The following LHFPL3 variants were observed in gnomAD, a reference collection of about 807,000 sequenced individuals.
The protein encoded by LHFPL3 is LHFPL tetraspan subfamily member 3 protein.
LHFPL3 carries 5 observed loss-of-function variants against 19.3 expected under a neutral mutation model. The observed-to-expected ratio is 0.26, with a 90% CI of 0.14 to 0.54. The LOEUF (loss-of-function observed/expected upper bound fraction) is 0.54, where lower values mean the gene tolerates loss of function less well. LHFPL3 is among the 20% of genes least tolerant of loss of function. The pLI is 0.94. For missense variants in LHFPL3, 249 were observed against 307.4 expected (o/e 0.81, Z 1.42); for synonymous variants, 133 against 126.2 (o/e 1.05, Z -0.36).
At chr7:104,453,222 A>C (rs1313727478) in intron 1 of LHFPL3, among the ~76,000 whole-genome samples, 1 of 151,470 alleles carries the variant, frequency 6.6e-6, no homozygotes, top group African/African-American at 2.5e-5. Flanking sequence ...AACTCTGCTG[A>C]AATAAAAGGT....
intron 1 of LHFPL3, among the ~76,000 whole-genome samples, chr7:104,337,314 C>T (rs969494303): frequency 2.6e-5 from 4 of 151,930 alleles, no homozygotes; most frequent in Admixed American, 2.0e-4. Context: ...GGTTGGAAAG[C>T]CTGTGGAATT....
intron 1 of LHFPL3, among the ~76,000 whole-genome samples, chr7:104,385,828 A>T (rs1407892708): frequency 6.6e-6 from 1 of 152,206 alleles, no homozygotes; most frequent in Non-Finnish European, 1.5e-5. Flanking sequence ...TTAATATGGA[A>T]GTATGTTTTT....
chr7:104,479,148 C>A (rs867751578), intron 1 of LHFPL3, among the ~76,000 whole-genome samples: 37 of 152,310 alleles, frequency 2.4e-4, no homozygotes, highest in Middle Eastern at 3.4e-3. Flanking sequence ...GCTCATAAGA[C>A]CCTTCTCTGA....
chr7:104,682,170 C>G (rs1025999867), intron 1 of LHFPL3, among the ~76,000 whole-genome samples: 1 of 152,132 alleles, frequency 6.6e-6, no homozygotes, highest in African/African-American at 2.4e-5. Context: ...TTTTACATAT[C>G]CCTTTTTCAA....
intron 2 of LHFPL3, among the ~76,000 whole-genome samples, chr7:104,772,722 G>T (rs1794575110): frequency 6.6e-6 from 1 of 152,202 alleles, no homozygotes; most frequent in South Asian, 2.1e-4. Context: ...CTGAGAGTGG[G>T]TTCACCTCCA....
chr7:104,563,036 C>G (rs896659477), intron 1 of LHFPL3, among the ~76,000 whole-genome samples: 2 of 151,764 alleles, frequency 1.3e-5, no homozygotes, highest in Non-Finnish European at 2.9e-5. Flanking sequence ...ACAGTCTGCC[C>G]ATTCTCAGAT....
At chr7:104,612,585 G>A (rs877843) in intron 1 of LHFPL3, among the ~76,000 whole-genome samples, 138,517 of 152,276 alleles carry the variant, frequency 0.91, 63,396 homozygotes, top group Non-Finnish European at 0.96. Flanking sequence ...CTGAATGTCC[G>A]TATGATTTCT....
At chr7:104,545,499 T>G (rs1042634351) in intron 1 of LHFPL3, among the ~76,000 whole-genome samples, 24 of 152,182 alleles carry the variant, frequency 1.6e-4, no homozygotes, top group African/African-American at 2.4e-5. Context: ...AGAAGGGCTC[T>G]GATACCACAG....
intron 2 of LHFPL3, among the ~76,000 whole-genome samples, chr7:104,780,810 C>A (rs1020743902): frequency 1.2e-4 from 19 of 152,186 alleles, no homozygotes; most frequent in Non-Finnish European, 1.9e-4. Flanking sequence ...ACGCAAGCCA[C>A]ATCCTGCAGA....
At chr7:104,742,436 G>C (rs1308161909) in intron 2 of LHFPL3, among the ~76,000 whole-genome samples, 1 of 152,208 alleles carries the variant, frequency 6.6e-6, no homozygotes, top group Non-Finnish European at 1.5e-5. Context: ...TATAGTGGAG[G>C]AGGTAGAATA....
At chr7:104,487,615 C>T (rs550038538) in intron 1 of LHFPL3, among the ~76,000 whole-genome samples, 6 of 152,282 alleles carry the variant, frequency 3.9e-5, no homozygotes, top group African/African-American at 1.4e-4. Flanking sequence ...GACAGTGGCC[C>T]CTGGCCAGGA....
intron 2 of LHFPL3, among the ~76,000 whole-genome samples, chr7:104,837,488 A>G (rs530741737): frequency 9.8e-5 from 15 of 152,334 alleles, no homozygotes; most frequent in Admixed American, 9.8e-4. Flanking sequence ...TGTATTTTAT[A>G]TTATTCAATC....
intron 1 of LHFPL3, among the ~76,000 whole-genome samples, chr7:104,584,830 G>T (rs959154023): frequency 3.9e-5 from 6 of 152,160 alleles, no homozygotes; most frequent in Non-Finnish European, 5.9e-5. Flanking sequence ...GTGGTCTACA[G>T]AGTAAACAGA....
chr7:104,373,766 T>G (rs1338047480), intron 1 of LHFPL3, among the ~76,000 whole-genome samples: 1 of 152,166 alleles, frequency 6.6e-6, no homozygotes, highest in African/African-American at 2.4e-5. Context: ...CCTATTCAGA[T>G]CTTTAAAAGA....
intron 1 of LHFPL3, among the ~76,000 whole-genome samples, chr7:104,330,526 T>G (rs1467679917): frequency 6.6e-6 from 1 of 152,182 alleles, no homozygotes; most frequent in Non-Finnish European, 1.5e-5. Flanking sequence ...ATTGCTAGTT[T>G]GATAAGGAAA....
chr7:104,329,707 C>CG (rs1801534783), intron 1 of LHFPL3, among the ~76,000 whole-genome samples: 1 of 152,074 alleles, frequency 6.6e-6, no homozygotes, highest in East Asian at 1.9e-4. Flanking sequence ...GGAAAGGGGG[C>CG]GGGGGGCGGT....
chr7:104,462,301 G>A (rs1427753788), intron 1 of LHFPL3, among the ~76,000 whole-genome samples: 2 of 152,096 alleles, frequency 1.3e-5, no homozygotes, highest in African/African-American at 4.8e-5. Flanking sequence ...TGTAGGAGAG[G>A]GCATCCTTGT....
At chr7:104,589,738 G>A (rs1212247105) in intron 1 of LHFPL3, among the ~76,000 whole-genome samples, 1 of 152,108 alleles carries the variant, frequency 6.6e-6, no homozygotes, top group African/African-American at 2.4e-5. Flanking sequence ...AATCCATCTG[G>A]TCCTGGACTT....
chr7:104,520,588 TG>T (rs1428948299), intron 1 of LHFPL3, among the ~76,000 whole-genome samples: 3 of 138,912 alleles, frequency 2.2e-5, no homozygotes, highest in African/African-American at 5.3e-5. Context: ...GGACTCTTTT[TG>T]GTTGGTAAGC....
Sources: allele counts gnomAD v4.1 joint callset (sites outside exome capture counted in the v4.1 genomes callset), GRCh38; gene constraint gnomAD v4.1.1; transcripts MANE v1.5; gene names NCBI Gene and HGNC (gene_info 2026-07-23, HGNC 2026-07-21).